Variants in ARHGEF10 observed in about 807,000 individuals in gnomAD.
ARHGEF10 encodes the protein Rho guanine nucleotide exchange factor 10, also known as Rho guanine nucleotide exchange factor (GEF) 10.
A neutral mutation model predicts 147.4 loss-of-function variants in ARHGEF10; 140 were observed. That is an observed-to-expected ratio of 0.95 (90% CI 0.83 to 1.09). The LOEUF (loss-of-function observed/expected upper bound fraction) is 1.09. Among genes scored for constraint, ARHGEF10 ranks in the 50% least tolerant of loss-of-function variants. The pLI, the probability that ARHGEF10 is intolerant of heterozygous loss-of-function variation, is 0.00. For missense variants in ARHGEF10, 2,222 were observed against 1,752.7 expected (o/e 1.27, Z -4.78); for synonymous variants, 902 against 695.8 (o/e 1.30, Z -4.67).
At chr8:1,881,641 G>A (rs1808206271) in intron 9 of ARHGEF10, among the ~76,000 whole-genome samples, 1 of 152,178 alleles carries the variant, frequency 6.6e-6, no homozygotes, top group Admixed American at 6.5e-5. Flanking sequence ...GGCCGTGCGT[G>A]TTGTGTGGTG....
At chr8:1,862,632 C>T (rs1174081681) in intron 4 of ARHGEF10, among the ~76,000 whole-genome samples, 1 of 152,214 alleles carries the variant, frequency 6.6e-6, no homozygotes, top group African/African-American at 2.4e-5. Context: ...GGAGTCTGTG[C>T]TCCTGGACAC....
chr8:1,957,170 C>A lies in ARHGEF10; in HGVS notation c.3942C>A (p.Gly1314=). The change falls in exon 29 of 29, where the codon GGC becomes GGA. Residue 1314 remains glycine, a synonymous_variant. Coordinates refer to ENST00000349830, the MANE Select transcript of ARHGEF10 (RefSeq NM_014629.4). ...SSALVVCGGQ[G]HRRVHRKARQ... is the part of the protein sequence containing the mutation. ...CGCTGGTGGTCTGTGGAGGGCAGGG[C>A]CACCGCCGGGTGCACAGGAAGGCCC... 1 of 1,612,534 alleles carries A rather than the reference C, an allele frequency of 6.2e-7. No homozygotes were observed. The highest frequency in any genetic ancestry group is 8.5e-7 in the Non-Finnish European group (1 of 1,180,000).
Position 1,911,094 on chromosome 8 carries a change from T to G in ARHGEF10, c.2143+1624T>G, listed in dbSNP as rs577714626. Among the ~76,000 whole-genome samples, 377 of 152,354 alleles carry G rather than the reference T, an allele frequency of 2.5e-3. 2 individuals carry two copies. Among genetic ancestry groups the G allele is most frequent in the Middle Eastern group, 0.017 (5 of 294 alleles). ...CCTGGATTTAACTATGAGCTTCCTATCAGCCACAGCAAGAGGAGAAACACT... is the reference window on the plus strand; with the variant it reads ...CCTGGATTTAACTATGAGCTTCCTAGCAGCCACAGCAAGAGGAGAAACACT... On this transcript the variant is annotated intron_variant, in intron 18 of 28. Transcript: ENST00000349830.
rs190006875 is a variant in ARHGEF10, at chr8:1,840,143, T to C, written c.-47-3210T>C. Among the ~76,000 whole-genome samples the C allele has an allele frequency of 3.1e-3, 365 of 119,380 alleles. 14 individuals carry two copies. Among genetic ancestry groups the C allele is most frequent in the East Asian group, 0.022 (66 of 2,946 alleles). 78.3% of individuals were successfully genotyped at this position (119,380 alleles called of 152,430 possible). A position where few individuals can be genotyped will look rare whatever the true frequency, so the allele number is the denominator to read the frequency against. On this transcript the variant is annotated intron_variant, in intron 1 of 28. Coordinates refer to ENST00000349830, the MANE Select transcript of ARHGEF10 (RefSeq NM_014629.4). ...GGGACTGTCCTGTGTGGAAGCTGTC[T>C]GGTGTGGGGACTGTCCGGTGTGCAA...
At chr8:1,897,530 C>G (rs989367155) in intron 14 of ARHGEF10, among the ~76,000 whole-genome samples, 4 of 147,764 alleles carry the variant, frequency 2.7e-5, no homozygotes, top group East Asian at 2.0e-4. Context: ...CCTAAGGCAT[C>G]GGATCGCAGT....
In ARHGEF10 at chr8:1,876,662, C is replaced by G. The variant is rs200052082; in HGVS notation, c.771C>G (p.Tyr257Ter). ...YGWSSSEFES[Y>*]EEQSDSECKN... The stretch of plus-strand genomic sequence containing the variant: ...GGAGTTCGAGTGAATTTGAAAGTTA[C>G]GAAGAGCAGAGTGACTCGGAGTGCA... Residue 257 changes from tyrosine to a stop codon, truncating the protein, a stop_gained, in exon 8 of 29, where the codon TAC becomes TAG. Transcript: ENST00000349830. LOFTEE classifies it high-confidence loss of function. 1.9e-6 allele frequency: 3 copies of G among 1,614,206 alleles called. No homozygotes were observed. Among genetic ancestry groups the G allele is most frequent in the African/African-American group, 1.3e-5 (1 of 75,054 alleles).
chr8:1,891,969 A>AATACAT (rs1393615015), intron 11 of ARHGEF10, among the ~76,000 whole-genome samples: 3 of 149,300 alleles, frequency 2.0e-5, no homozygotes, highest in Non-Finnish European at 4.4e-5. Context: ...ACATATAAAT[A>AATACAT]ATACATATAC....
At chr8:1,901,308 C>T (rs1443048126) in intron 15 of ARHGEF10, among the ~76,000 whole-genome samples, 2 of 152,090 alleles carry the variant, frequency 1.3e-5, no homozygotes, top group Non-Finnish European at 2.9e-5. Context: ...CCCTTCCTCC[C>T]AGTGACTCTC....
At chr8:1,888,424 C>T (rs1167916841) in intron 11 of ARHGEF10, among the ~76,000 whole-genome samples, 3 of 121,390 alleles carry the variant, frequency 2.5e-5, no homozygotes, top group African/African-American at 3.6e-5. Context: ...TGAGGAGACA[C>T]TGAGTGTGGA....
chr8:1,907,126 T>C (rs1810960175), intron 17 of ARHGEF10, among the ~76,000 whole-genome samples: 1 of 152,202 alleles, frequency 6.6e-6, no homozygotes, highest in Non-Finnish European at 1.5e-5. Context: ...TGTGGGCTGC[T>C]CTAGAGGATG....
chr8:1,923,117 T>TACTTACAATG, intron 19 of ARHGEF10, 38 bp downstream of exon 19: 4 of 1,419,980 alleles, frequency 2.8e-6, no homozygotes, highest in Non-Finnish European at 4.0e-6. Flanking sequence ...ATTCTGCCTT[T>TACTTACAATG]ACTTATAAGT....
chr8:1,951,742 A>T (rs932746255), intron 27 of ARHGEF10, among the ~76,000 whole-genome samples: 1 of 152,230 alleles, frequency 6.6e-6, no homozygotes, highest in East Asian at 1.9e-4. Flanking sequence ...AAACAGAGAA[A>T]CACTGGGGAT....
chr8:1,837,192 G>C (rs551525823), intron 1 of ARHGEF10, among the ~76,000 whole-genome samples: 1 of 152,356 alleles, frequency 6.6e-6, no homozygotes, highest in South Asian at 2.1e-4. Context: ...GTAGGGCAAG[G>C]CCTGGGCCAG....
Position 1,858,114 on chromosome 8 carries a change from A to T in ARHGEF10, c.192A>T (p.Thr64=). 1 of 1,613,540 alleles carries T rather than the reference A, an allele frequency of 6.2e-7. No individual in the cohort carries two copies. Among genetic ancestry groups the T allele is most frequent in the Non-Finnish European group, 8.5e-7 (1 of 1,179,720 alleles). Residue 64 remains threonine (T), a splice_region_variant and synonymous_variant, in exon 3 of 29, where the codon ACA becomes ACT. Transcript: ENST00000349830. ...GAGASEAPAP[T]GGEDGAGAET... ...GAGCCAGTGAAGCCCCTGCACCCAC[A>T]GGTGAGTTTCCAGGAGGGTCCCCAG...
At chr8:1,833,605 C>T (rs1167872085) in intron 1 of ARHGEF10, among the ~76,000 whole-genome samples, 4 of 152,210 alleles carry the variant, frequency 2.6e-5, no homozygotes, top group Non-Finnish European at 5.9e-5. Flanking sequence ...CCAGGATGCT[C>T]ACCATGCTCT....
At chr8:1,879,473 C>T (rs1042068661) in intron 8 of ARHGEF10, among the ~76,000 whole-genome samples, 1 of 152,024 alleles carries the variant, frequency 6.6e-6, no homozygotes, top group Non-Finnish European at 1.5e-5. Flanking sequence ...TTGCTCCTGT[C>T]TAGCACAGAG....
Position 1,945,670 on chromosome 8 carries a change from C to A in ARHGEF10, c.3397+15C>A. On this transcript the variant is annotated intron_variant, in intron 27 of 28. Coordinates refer to ENST00000349830, the MANE Select transcript of ARHGEF10 (RefSeq NM_014629.4). ...CATGCTGCCAGGTAAGGGGACGGGA[C>A]GGGGCCCAGGGATGGGACAGCAACC... The A allele has an allele frequency of 6.2e-7, 1 of 1,614,060 alleles. No individual in the cohort carries two copies.
Position 1,902,084 on chromosome 8 carries a change from A to T in ARHGEF10, c.1651-1197A>T, listed in dbSNP as rs529430783. 2.0e-5 allele frequency among the ~76,000 whole-genome samples: 3 copies of T among 152,178 alleles called. No homozygotes were observed. In the South Asian group the frequency reaches 6.2e-4, roughly 32 times the overall value. On this transcript the variant is annotated intron_variant, in intron 15 of 28. Coordinates refer to ENST00000349830, the MANE Select transcript of ARHGEF10 (RefSeq NM_014629.4). ...GCCATGGTGGGCTGCTGCACCTAGC[A>T]ACCCGTCATCTAGGTTTTAAGCCCC...
At chr8:1,857,920 A>ATCTC (rs1585286134) in intron 2 of ARHGEF10, 40 bp from the exon 3 acceptor site, 3 of 1,457,058 alleles carry the variant, frequency 2.1e-6, no homozygotes, top group South Asian at 1.2e-5. Context: ...CTATCTATCT[A>ATCTC]TCTATCTCTC....
Sources: allele counts gnomAD v4.1 joint callset (sites outside exome capture counted in the v4.1 genomes callset), GRCh38; gene constraint gnomAD v4.1.1; transcripts MANE v1.5; gene names NCBI Gene and HGNC (gene_info 2026-07-23, HGNC 2026-07-21).